The following CSMD1 variants were observed in gnomAD, a reference collection of about 807,000 sequenced individuals.
The protein encoded by CSMD1 is CUB and Sushi multiple domains 1, also known as CUB and sushi domain-containing protein 1.
A neutral mutation model predicts 417.5 loss-of-function variants in CSMD1; 213 were observed. The observed-to-expected ratio is 0.51, with a 90% confidence interval of 0.46 to 0.57. The LOEUF (loss-of-function observed/expected upper bound fraction) is 0.57. Among genes scored for constraint, CSMD1 ranks in the 20% least tolerant of loss-of-function variants. The pLI is 0.00. For synonymous variants in CSMD1, 2,862 were observed against 1,736.8 expected, an observed-to-expected ratio of 1.65 and a Z score of -16.11; for missense variants, 6,923 against 4,529.7, an observed-to-expected ratio of 1.53 and a Z score of -15.17.
chr8:3,259,034 A>T (rs1015742885), intron 26 of CSMD1, among the ~76,000 whole-genome samples: 4 of 152,186 alleles, frequency 2.6e-5, no homozygotes, highest in Non-Finnish European at 5.9e-5. Context: ...TTAGGCACAA[A>T]GGTACTCCAG....
chr8:3,501,202 G>T (rs1392000449), intron 10 of CSMD1, among the ~76,000 whole-genome samples: 1 of 152,022 alleles, frequency 6.6e-6, no homozygotes, highest in Non-Finnish European at 1.5e-5. Flanking sequence ...TATATCAACT[G>T]ATCTCTATGA....
chr8:3,575,180 A>G, intron 9 of CSMD1, 114 bp from the exon 10 acceptor site: 1 of 1,162,982 alleles, frequency 8.6e-7, no homozygotes, highest in Non-Finnish European at 1.2e-6. Flanking sequence ...TAAAAAAAAA[A>G]AAAAAAATGG....
intron 5 of CSMD1, among the ~76,000 whole-genome samples, chr8:3,870,152 A>G (rs1805381017): frequency 6.6e-6 from 1 of 152,180 alleles, no homozygotes; most frequent in South Asian, 2.1e-4. Context: ...ACATTATTTT[A>G]CAATTTGAAT....
intron 3 of CSMD1, among the ~76,000 whole-genome samples, chr8:4,050,421 G>GT (rs990748570): frequency 5.9e-5 from 9 of 151,816 alleles, no homozygotes; most frequent in Admixed American, 4.6e-4. Flanking sequence ...TTTAATTTTT[G>GT]TTTTTTGCAT....
intron 1 of CSMD1, among the ~76,000 whole-genome samples, chr8:4,866,443 T>C (rs1802423429): frequency 6.6e-6 from 1 of 152,046 alleles, no homozygotes; most frequent in Admixed American, 6.6e-5. Flanking sequence ...AAGAAGTTTG[T>C]TCTATTCTCT....
At chr8:3,828,914 A>T (rs1487656463) in intron 5 of CSMD1, among the ~76,000 whole-genome samples, 1 of 152,018 alleles carries the variant, frequency 6.6e-6, no homozygotes, top group African/African-American at 2.4e-5. Flanking sequence ...CCTTCAGCTC[A>T]CCCATTACTT....
intron 5 of CSMD1, among the ~76,000 whole-genome samples, chr8:3,776,047 C>T (rs1488699509): frequency 2.0e-5 from 3 of 152,186 alleles, no homozygotes; most frequent in African/African-American, 7.2e-5. Context: ...GCTGGAGCCA[C>T]CTCAGAACCC....
chr8:4,414,907 A>T (rs1796844721), intron 3 of CSMD1, among the ~76,000 whole-genome samples: 1 of 152,160 alleles, frequency 6.6e-6, no homozygotes, highest in Non-Finnish European at 1.5e-5. Flanking sequence ...GTGCTCTGGG[A>T]ATTCAGAATT....
chr8:4,794,342 G>A (rs1227988586), intron 1 of CSMD1, among the ~76,000 whole-genome samples: 4 of 152,150 alleles, frequency 2.6e-5, no homozygotes, highest in Non-Finnish European at 5.9e-5. Flanking sequence ...AGAAATGAGT[G>A]ACTATTTCTC....
chr8:3,663,725 T>C (rs946255825), intron 7 of CSMD1, among the ~76,000 whole-genome samples: 4 of 152,184 alleles, frequency 2.6e-5, no homozygotes, highest in African/African-American at 7.2e-5. Flanking sequence ...CCGCCTTTGC[T>C]TTGAGTTGTC....
rs114713674 is a variant in CSMD1 at position 4,208,881 on chromosome 8, G to T, written c.416-176782C>A. ...GTATCCATTCAAAATACCAGGGAGTGTGAGATTTTCTTAAATTTCTTTTTA... is the reference window on the plus strand; with the variant it reads ...GTATCCATTCAAAATACCAGGGAGTTTGAGATTTTCTTAAATTTCTTTTTA... On this transcript the variant is annotated intron_variant, in intron 3 of 69. Transcript: ENST00000635120. Among the ~76,000 whole-genome samples, 977 of 152,258 alleles carry T rather than the reference G, an allele frequency of 6.4e-3. 17 individuals carry two copies. Among genetic ancestry groups the T allele is most frequent in the African/African-American group, 0.022 (928 of 41,530 alleles).
At chr8:4,444,539 G>T (rs1798669461) in intron 2 of CSMD1, among the ~76,000 whole-genome samples, 1 of 151,862 alleles carries the variant, frequency 6.6e-6, no homozygotes, top group Non-Finnish European at 1.5e-5. Context: ...GAACAATAAT[G>T]TCCATCTTTT....
At chr8:4,251,740 G>C (rs930155203) in intron 3 of CSMD1, among the ~76,000 whole-genome samples, 10 of 152,080 alleles carry the variant, frequency 6.6e-5, no homozygotes, top group African/African-American at 1.4e-4. Context: ...CGTCACAGTT[G>C]TGACATCTCA....
At chr8:3,223,652 G>C (rs1798334483) in intron 28 of CSMD1, 77 bp downstream of exon 28, 2 of 1,434,130 alleles carry the variant, frequency 1.4e-6, no homozygotes, top group Non-Finnish European at 1.9e-6. Context: ...TAGAGACTAT[G>C]AGGTCATAAA....
intron 3 of CSMD1, among the ~76,000 whole-genome samples, chr8:4,216,699 G>C (rs117705688): frequency 7.2e-4 from 109 of 152,238 alleles, no homozygotes; most frequent in Non-Finnish European, 1.3e-3. Context: ...GTAAGCACCA[G>C]TCATCTAGGA....
At chr8:3,120,704 A>AGG (rs138705631) in intron 41 of CSMD1, among the ~76,000 whole-genome samples, 1,776 of 148,924 alleles carry the variant, frequency 0.012, 48 homozygotes, top group African/African-American at 0.042. Context: ...AAAATTAGCC[A>AGG]GGGGGGGTGA....
intron 54 of CSMD1, among the ~76,000 whole-genome samples, chr8:2,990,662 A>G (rs954233296): frequency 6.6e-6 from 1 of 152,204 alleles, no homozygotes; most frequent in Non-Finnish European, 1.5e-5. Context: ...CTCCTAAATA[A>G]GACACAATAG....
At chr8:4,464,756 C>T (rs376886355) in intron 2 of CSMD1, among the ~76,000 whole-genome samples, 3 of 152,062 alleles carry the variant, frequency 2.0e-5, no homozygotes, top group African/African-American at 7.2e-5. Context: ...TGCTTTAAGG[C>T]GAGTCCTGCT....
At chr8:4,282,750 GT>G (rs1796857244) in intron 3 of CSMD1, among the ~76,000 whole-genome samples, 1 of 152,108 alleles carries the variant, frequency 6.6e-6, no homozygotes, top group South Asian at 2.1e-4. Flanking sequence ...GCAATAGTAT[GT>G]TTAAATGGTA....
Sources: allele counts gnomAD v4.1 joint callset (sites outside exome capture counted in the v4.1 genomes callset), GRCh38; gene constraint gnomAD v4.1.1; transcripts MANE v1.5; gene names NCBI Gene and HGNC (gene_info 2026-07-23, HGNC 2026-07-21).